Variants in KCNT2 observed in about 807,000 individuals in gnomAD.
KCNT2 encodes potassium sodium-activated channel subfamily T member 2.
A neutral mutation model predicts 153.8 loss-of-function variants in KCNT2; 67 were observed. The observed-to-expected ratio is 0.44, with a 90% CI of 0.36 to 0.53. The LOEUF (loss-of-function observed/expected upper bound fraction) is 0.53, where lower values mean the gene tolerates loss of function less well. Ranked by LOEUF, KCNT2 falls within the 20% of genes least tolerant of loss-of-function variation. KCNT2 has a pLI of 0.00. For synonymous variants in KCNT2, 500 were observed against 458.8 expected, an observed-to-expected ratio of 1.09 and a Z score of -1.15; for missense variants, 975 against 1,354.8, an observed-to-expected ratio of 0.72 and a Z score of 4.40.
chr1:196,415,180 C>T (rs952362372), intron 12 of KCNT2, among the ~76,000 whole-genome samples: 5 of 151,774 alleles, frequency 3.3e-5, no homozygotes, highest in Admixed American at 2.6e-4. Context: ...AACAAGCAGA[C>T]CTCGACATTT....
intron 22 of KCNT2, among the ~76,000 whole-genome samples, chr1:196,292,036 A>T (rs1660231316): frequency 6.6e-6 from 1 of 152,222 alleles, no homozygotes; most frequent in Admixed American, 6.5e-5. Flanking sequence ...AAAATAGAAC[A>T]TTTCTAATTG....
At chr1:196,247,278 T>C (rs887654095) in intron 26 of KCNT2, among the ~76,000 whole-genome samples, 1 of 152,094 alleles carries the variant, frequency 6.6e-6, no homozygotes, top group African/African-American at 2.4e-5. Flanking sequence ...TACCCAGATA[T>C]ACAAAGCAAA....
chr1:196,577,287 A>G (rs1196253921), intron 1 of KCNT2, among the ~76,000 whole-genome samples: 3 of 152,192 alleles, frequency 2.0e-5, no homozygotes, highest in South Asian at 4.1e-4. Flanking sequence ...ACATGAGACA[A>G]CAAAGGATGG....
intron 13 of KCNT2, among the ~76,000 whole-genome samples, chr1:196,383,652 T>A (rs1456618296): frequency 3.3e-5 from 5 of 152,166 alleles, no homozygotes; most frequent in African/African-American, 4.8e-5. Flanking sequence ...GGTCCAAGTA[T>A]ATCTTCTATT....
intron 22 of KCNT2, among the ~76,000 whole-genome samples, chr1:196,304,433 A>G (rs1174321855): frequency 6.6e-6 from 1 of 152,142 alleles, no homozygotes; most frequent in Non-Finnish European, 1.5e-5. Flanking sequence ...AGCTCACTGC[A>G]GCGTCGAAAT....
intron 1 of KCNT2, among the ~76,000 whole-genome samples, chr1:196,604,802 A>G (rs1040144526): frequency 5.3e-5 from 8 of 151,984 alleles, no homozygotes; most frequent in Admixed American, 5.3e-4. Flanking sequence ...ATATTTTATA[A>G]TACATATATT....
intron 3 of KCNT2, among the ~76,000 whole-genome samples, chr1:196,487,235 G>A (rs1202272878): frequency 6.6e-6 from 1 of 151,950 alleles, no homozygotes; most frequent in Non-Finnish European, 1.5e-5. Context: ...TGAGTATGAA[G>A]TACAAGCAAA....
intron 12 of KCNT2, among the ~76,000 whole-genome samples, chr1:196,417,637 C>G (rs1449602557): frequency 6.6e-6 from 1 of 152,084 alleles, no homozygotes; most frequent in Non-Finnish European, 1.5e-5. Context: ...TTCTTCTCAT[C>G]CCTCATTCTG....
chr1:196,307,515 A>G (rs1661746495), intron 21 of KCNT2, among the ~76,000 whole-genome samples: 1 of 152,086 alleles, frequency 6.6e-6, no homozygotes, highest in South Asian at 2.1e-4. Flanking sequence ...TAGCTCTCCT[A>G]ATAAATCATA....
At chr1:196,363,991 A>T (rs1161845995) in intron 14 of KCNT2, among the ~76,000 whole-genome samples, 1 of 152,136 alleles carries the variant, frequency 6.6e-6, no homozygotes, top group Non-Finnish European at 1.5e-5. Context: ...TTCCAATCTC[A>T]TCCACAAGAA....
intron 12 of KCNT2, among the ~76,000 whole-genome samples, chr1:196,406,879 G>A (rs1259445221): frequency 1.3e-5 from 2 of 151,378 alleles, no homozygotes; most frequent in Non-Finnish European, 3.0e-5. Flanking sequence ...CTGCTTGCCT[G>A]TCGGAATCTG....
At chr1:196,591,329 G>A (rs1379230433) in intron 1 of KCNT2, among the ~76,000 whole-genome samples, 2 of 152,024 alleles carry the variant, frequency 1.3e-5, no homozygotes, top group East Asian at 1.9e-4. Flanking sequence ...GAAAAAGGAT[G>A]CTGGTACCAT....
chr1:196,497,494 G>A (rs1207646635), intron 1 of KCNT2, among the ~76,000 whole-genome samples: 1 of 151,936 alleles, frequency 6.6e-6, no homozygotes, highest in East Asian at 1.9e-4. Flanking sequence ...GTATAATGGA[G>A]GCTGTACATA....
chr1:196,265,905 C>T (rs1221523918), intron 25 of KCNT2, among the ~76,000 whole-genome samples: 2 of 152,020 alleles, frequency 1.3e-5, no homozygotes, highest in Admixed American at 1.3e-4. Flanking sequence ...TCAGGGAGGC[C>T]CATAACCCTG....
At chr1:196,338,001 T>C (rs1665206650) in intron 16 of KCNT2, among the ~76,000 whole-genome samples, 1 of 152,122 alleles carries the variant, frequency 6.6e-6, no homozygotes, top group Non-Finnish European at 1.5e-5. Flanking sequence ...AGGTACTCAA[T>C]AAATACTATT....
chr1:196,435,153 A>ATATATATATATG (rs1674532775), intron 8 of KCNT2, among the ~76,000 whole-genome samples: 2 of 109,792 alleles, frequency 1.8e-5, no homozygotes, highest in Non-Finnish European at 4.2e-5. Flanking sequence ...ATATATATAT[A>ATATATATATATG]TATATATATA....
chr1:196,356,839 G>A (rs1434618144), intron 14 of KCNT2, among the ~76,000 whole-genome samples: 1 of 151,668 alleles, frequency 6.6e-6, no homozygotes, highest in African/African-American at 2.4e-5. Flanking sequence ...GTTGTTGGAT[G>A]TCTACTGAAC....
At chr1:196,345,782 T>C (rs1666088987) in intron 14 of KCNT2, among the ~76,000 whole-genome samples, 1 of 152,124 alleles carries the variant, frequency 6.6e-6, no homozygotes, top group African/African-American at 2.4e-5. Context: ...GAAAAATATA[T>C]AACAATCTTA....
chr1:196,345,307 T>C (rs915058717), intron 14 of KCNT2, among the ~76,000 whole-genome samples: 3 of 152,156 alleles, frequency 2.0e-5, no homozygotes, highest in Non-Finnish European at 2.9e-5. Flanking sequence ...AGGGAAAAGA[T>C]GATATTTGAG....
Sources: allele counts gnomAD v4.1 joint callset (sites outside exome capture counted in the v4.1 genomes callset), GRCh38; gene constraint gnomAD v4.1.1; transcripts MANE v1.5; gene names NCBI Gene and HGNC (gene_info 2026-07-23, HGNC 2026-07-21).